Variants in LRP1B observed in about 807,000 individuals in gnomAD.
LRP1B encodes low-density lipoprotein receptor-related protein 1B.
In LRP1B, 217 loss-of-function variants were observed where a neutral mutation model predicts 556.6. The observed-to-expected ratio is 0.39, with a 90% CI of 0.35 to 0.44. The LOEUF is 0.44. Among genes scored for constraint, LRP1B ranks in the 20% least tolerant of loss-of-function variants. LRP1B has a pLI of 1.00. For synonymous variants in LRP1B, 2,047 were observed against 1,865.8 expected (o/e 1.10, Z -2.50); for missense variants, 5,053 against 5,620.8 (o/e 0.90, Z 3.23).
chr2:140,521,864 T>A (rs1455986745), intron 49 of LRP1B, among the ~76,000 whole-genome samples: 7 of 151,954 alleles, frequency 4.6e-5, no homozygotes, highest in Non-Finnish European at 1.0e-4. Context: ...AAGAGCAGTA[T>A]TTGCTATTCG....
chr2:141,853,931 A>G (rs1370234763), intron 1 of LRP1B, among the ~76,000 whole-genome samples: 1 of 152,010 alleles, frequency 6.6e-6, no homozygotes, highest in African/African-American at 2.4e-5. Flanking sequence ...AAATATTCCA[A>G]TTATTAAATC....
At chr2:141,091,484 G>A (rs1048622220) in intron 7 of LRP1B, among the ~76,000 whole-genome samples, 1 of 152,276 alleles carries the variant, frequency 6.6e-6, no homozygotes, top group East Asian at 1.9e-4. Flanking sequence ...TCCTCTCCAC[G>A]TGCACAGTGA....
chr2:141,858,822 A>C (rs1181836174), intron 1 of LRP1B, among the ~76,000 whole-genome samples: 1 of 152,154 alleles, frequency 6.6e-6, no homozygotes, highest in Non-Finnish European at 1.5e-5. Flanking sequence ...ATGCTCTAAG[A>C]GGTTAAAAGA....
chr2:140,651,714 A>G (rs1201668417), intron 41 of LRP1B, among the ~76,000 whole-genome samples: 1 of 152,084 alleles, frequency 6.6e-6, no homozygotes, highest in East Asian at 1.9e-4. Context: ...GAATAGTTGC[A>G]GTAGATGAGG....
intron 7 of LRP1B, among the ~76,000 whole-genome samples, chr2:141,129,725 G>A (rs1701302464): frequency 1.3e-5 from 2 of 151,820 alleles, no homozygotes; most frequent in Admixed American, 6.6e-5. Flanking sequence ...TTATAAGCAG[G>A]AAGATAATTG....
rs972740185 is a variant in LRP1B at position 140,770,833 on chromosome 2, A to T, written c.5626+48T>A. 14 of 1,482,960 alleles carry T rather than the reference A, an allele frequency of 9.4e-6. No individual in the cohort carries two copies. The Admixed American group carries it at 1.1e-4, about 11-fold the overall frequency. 91.9% of individuals were successfully genotyped at this position (1,482,960 alleles called of 1,614,324 possible). ...CCTAACATCTGCATGGTATGTAATG[A>T]TTAGTGAAGTAAATGAACCAGAGGT... On this transcript the variant is annotated intron_variant, in intron 34 of 90. Transcript: ENST00000389484.
At chr2:141,374,560 T>A (rs1689357409) in intron 3 of LRP1B, among the ~76,000 whole-genome samples, 1 of 152,198 alleles carries the variant, frequency 6.6e-6, no homozygotes, top group African/African-American at 2.4e-5. Flanking sequence ...GAAGGCTTCA[T>A]TCATTCTATT....
intron 1 of LRP1B, among the ~76,000 whole-genome samples, chr2:141,823,300 G>C (rs1696814450): frequency 6.6e-6 from 1 of 152,186 alleles, no homozygotes; most frequent in African/African-American, 2.4e-5. Context: ...GAGCACTTCA[G>C]GTCTGGGGCA....
At chr2:140,821,534 T>G (rs563397404) in intron 31 of LRP1B, among the ~76,000 whole-genome samples, 1 of 152,200 alleles carries the variant, frequency 6.6e-6, no homozygotes, top group African/African-American at 2.4e-5. Context: ...AAGACTTTTT[T>G]AAAAAATTTA....
At chr2:140,242,650 T>G (rs1296514111) in intron 87 of LRP1B, among the ~76,000 whole-genome samples, 1 of 150,960 alleles carries the variant, frequency 6.6e-6, no homozygotes, top group East Asian at 2.0e-4. Context: ...ATAAAGGAGG[T>G]GCCTCCAACT....
intron 1 of LRP1B, among the ~76,000 whole-genome samples, chr2:142,039,135 T>A (rs1448242478): frequency 1.3e-5 from 2 of 151,528 alleles, no homozygotes; most frequent in East Asian, 1.9e-4. Flanking sequence ...CAGCTCATCA[T>A]GAAAAGTGAG....
intron 32 of LRP1B, among the ~76,000 whole-genome samples, chr2:140,802,750 G>A (rs557332966): frequency 5.9e-5 from 9 of 152,014 alleles, no homozygotes; most frequent in Non-Finnish European, 1.2e-4. Flanking sequence ...TTACAGTCAG[G>A]GCATTACATT....
intron 77 of LRP1B, 121 bp from the exon 78 acceptor site, chr2:140,335,959 A>G: frequency 3.0e-6 from 2 of 657,152 alleles, no homozygotes; most frequent in Non-Finnish European, 5.5e-6. Context: ...TAATTGCTAT[A>G]TAGATGTCAA....
At chr2:140,938,644 G>A (rs1426106752) in intron 20 of LRP1B, among the ~76,000 whole-genome samples, 1 of 152,000 alleles carries the variant, frequency 6.6e-6, no homozygotes. Flanking sequence ...TCAGTCTTTG[G>A]AACTTCAGCT....
At chr2:140,491,403 G>GA (rs1688694531) in intron 57 of LRP1B, among the ~76,000 whole-genome samples, 1 of 151,856 alleles carries the variant, frequency 6.6e-6, no homozygotes, top group South Asian at 2.1e-4. Context: ...ACAACCTAGT[G>GA]AAAAAATAGG....
chr2:140,235,089 G>A (rs1165265281), intron 89 of LRP1B, among the ~76,000 whole-genome samples: 2 of 150,874 alleles, frequency 1.3e-5, no homozygotes, highest in Non-Finnish European at 3.0e-5. Context: ...ATTAATATTG[G>A]ATCTTTGCTT....
intron 75 of LRP1B, among the ~76,000 whole-genome samples, chr2:140,354,570 C>T (rs1023552040): frequency 3.3e-5 from 5 of 151,986 alleles, no homozygotes; most frequent in Non-Finnish European, 5.9e-5. Flanking sequence ...AACTTTGAAC[C>T]GGCAGTTATT....
intron 1 of LRP1B, among the ~76,000 whole-genome samples, chr2:142,007,395 A>C (rs1702834635): frequency 6.6e-6 from 1 of 152,190 alleles, no homozygotes; most frequent in Non-Finnish European, 1.5e-5. Context: ...TGATAATAAA[A>C]TAACAAGTAT....
chr2:141,471,877 T>C (rs1010556226), intron 3 of LRP1B, among the ~76,000 whole-genome samples: 1 of 152,222 alleles, frequency 6.6e-6, no homozygotes, highest in African/African-American at 2.4e-5. Flanking sequence ...TTTTCTACAT[T>C]CTTTGTTTTC....
Sources: gnomAD v4.1 joint callset for allele counts (sites outside exome capture counted in the v4.1 genomes callset) on GRCh38, gnomAD v4.1.1 for gene constraint, MANE v1.5 for transcripts, NCBI Gene and HGNC (gene_info 2026-07-23, HGNC 2026-07-21) for gene names.